CAB39: variants seen among roughly 807,000 people sequenced by gnomAD.
CAB39 encodes the protein calcium binding protein 39.
A neutral mutation model predicts 40.0 loss-of-function variants in CAB39; 8 were observed. The ratio of observed to expected loss-of-function variants is 0.20; its 90% CI spans 0.12 to 0.36. The LOEUF (loss-of-function observed/expected upper bound fraction) is 0.36. Among genes scored for constraint, CAB39 ranks in the 10% least tolerant of loss-of-function variants. The pLI is 1.00. For synonymous variants in CAB39, 156 were observed against 141.6 expected (o/e 1.10, Z -0.72); for missense variants, 270 against 401.1 (o/e 0.67, Z 2.79).
chr2:230,720,045 A>C (rs1330270648), intron 1 of CAB39, among the ~76,000 whole-genome samples: 4 of 152,220 alleles, frequency 2.6e-5, no homozygotes, highest in Non-Finnish European at 5.9e-5. Flanking sequence ...AATAGTTAAG[A>C]ACTAAATGTT....
chr2:230,736,608 A>G (rs1431721150), intron 1 of CAB39, among the ~76,000 whole-genome samples: 1 of 152,180 alleles, frequency 6.6e-6, no homozygotes, highest in African/African-American at 2.4e-5. Context: ...ACTTAGGAGA[A>G]GCATAATTTT....
chr2:230,787,986 A>G (rs1695823325), intron 2 of CAB39, among the ~76,000 whole-genome samples: 1 of 152,208 alleles, frequency 6.6e-6, no homozygotes, highest in African/African-American at 2.4e-5. Context: ...GACACTGGAA[A>G]TATTTAAGGT....
chr2:230,759,332 G>A (rs1216203071), intron 1 of CAB39, among the ~76,000 whole-genome samples: 1 of 152,168 alleles, frequency 6.6e-6, no homozygotes, highest in Non-Finnish European at 1.5e-5. Flanking sequence ...CGTGAACACC[G>A]GGAAAAGAGC....
At chr2:230,777,247 G>C (rs1342719100) in intron 2 of CAB39, among the ~76,000 whole-genome samples, 1 of 151,916 alleles carries the variant, frequency 6.6e-6, no homozygotes, top group Non-Finnish European at 1.5e-5. Context: ...AATGACTACT[G>C]TTAACTTGGT....
chr2:230,768,204 T>C (rs755403156), intron 2 of CAB39, among the ~76,000 whole-genome samples: 18 of 152,238 alleles, frequency 1.2e-4, no homozygotes, highest in East Asian at 5.8e-4. Flanking sequence ...CTAAGACTTA[T>C]AAGAGTTTAT....
intron 2 of CAB39, among the ~76,000 whole-genome samples, chr2:230,771,909 A>T (rs1695489165): frequency 6.6e-6 from 1 of 152,222 alleles, no homozygotes; most frequent in Non-Finnish European, 1.5e-5. Flanking sequence ...TAGGACTCAG[A>T]CCTCATACCA....
intron 1 of CAB39, among the ~76,000 whole-genome samples, chr2:230,717,014 A>G (rs1694362530): frequency 6.6e-6 from 1 of 152,124 alleles, no homozygotes. Context: ...ATGTATATAT[A>G]AAATAAAAAT....
chr2:230,780,465 A>G, intron 2 of CAB39, among the ~76,000 whole-genome samples: 1 of 152,200 alleles, frequency 6.6e-6, no homozygotes, highest in Non-Finnish European at 1.5e-5. Flanking sequence ...GTTACATGTA[A>G]GGAGTCGTAA....
chr2:230,791,053 T>TAAAAATAAGAA lies in CAB39; in HGVS notation c.279+17_279+18insAAAAATAAGAA. 3 of 1,557,442 alleles carry TAAAAATAAGAA rather than the reference T, an allele frequency of 1.9e-6. No individual in the cohort carries two copies. The highest frequency in any genetic ancestry group is 2.6e-6 in the Non-Finnish European group (3 of 1,150,764). On this transcript the variant is annotated intron_variant, in intron 3 of 8. Transcript: ENST00000258418. Reference sequence around the variant, plus strand: ...GACTTTGAGGTAAGAAATCAATTTCTTATTTTTAAAAAACAGTACCCTGTG... The same window carrying TAAAAATAAGAA: ...GACTTTGAGGTAAGAAATCAATTTCTAAAAATAAGAATATTTTTAAAAAACAGTACCCTGTG...
At chr2:230,798,692 ATGTTTGGTTTGTT>A (rs763804231) in intron 4 of CAB39, 24 bp from the exon 5 acceptor site, 13 of 1,547,850 alleles carry the variant, frequency 8.4e-6, no homozygotes, top group Non-Finnish European at 1.1e-5. Context: ...AAAAGCAATC[ATGTTTGGTTTGTT>A]TGTTTGGTTT....
At chr2:230,767,341 A>G (rs541371601) in intron 2 of CAB39, among the ~76,000 whole-genome samples, 1 of 152,310 alleles carries the variant, frequency 6.6e-6, no homozygotes, top group South Asian at 2.1e-4. Context: ...AAAAAAGTCC[A>G]GAATCTAATC....
At chr2:230,795,218 G>A (rs1388421425) in intron 4 of CAB39, among the ~76,000 whole-genome samples, 1 of 151,540 alleles carries the variant, frequency 6.6e-6, no homozygotes, top group East Asian at 1.9e-4. Flanking sequence ...GGAGGTTGCA[G>A]TGAGCCGAGA....
chr2:230,749,658 C>T (rs1357686646), intron 1 of CAB39, among the ~76,000 whole-genome samples: 1 of 152,144 alleles, frequency 6.6e-6, no homozygotes, highest in Non-Finnish European at 1.5e-5. Flanking sequence ...TAGAAATCCT[C>T]AGAAGCATTG....
chr2:230,728,699 C>T (rs1341775525), intron 1 of CAB39, among the ~76,000 whole-genome samples: 1 of 152,114 alleles, frequency 6.6e-6, no homozygotes, highest in African/African-American at 2.4e-5. Flanking sequence ...AGCCCCGAAC[C>T]CCTAGGCTTA....
chr2:230,727,044 C>G (rs183128943), intron 1 of CAB39, among the ~76,000 whole-genome samples: 2 of 151,570 alleles, frequency 1.3e-5, no homozygotes, highest in South Asian at 4.2e-4. Context: ...GGAAGAGGAA[C>G]AAGACATAGG....
chr2:230,715,601 A>AT (rs1694334481), intron 1 of CAB39, among the ~76,000 whole-genome samples: 1 of 152,202 alleles, frequency 6.6e-6, no homozygotes, highest in Admixed American at 6.5e-5. Context: ...TAGGTTAACT[A>AT]TTTTTTGAAC....
At chr2:230,748,167 C>T (rs968199428) in intron 1 of CAB39, among the ~76,000 whole-genome samples, 1 of 150,390 alleles carries the variant, frequency 6.6e-6, no homozygotes, top group Admixed American at 6.6e-5. Context: ...TGACATCTGT[C>T]CTGTGAAGTG....
Position 230,819,444 on chromosome 2 carries a change from T to G in CAB39, c.*740T>G, listed in dbSNP as rs1696467927. 1 of 152,654 alleles carries G rather than the reference T, an allele frequency of 6.6e-6. No homozygotes were observed. Among genetic ancestry groups the G allele is most frequent in the South Asian group, 2.1e-4 (1 of 4,836 alleles). 9.5% of individuals were successfully genotyped at this position (152,654 alleles called of 1,614,324 possible). A position where few individuals can be genotyped will look rare whatever the true frequency, so the allele number is the denominator to read the frequency against. On this transcript the variant is annotated 3_prime_UTR_variant, in exon 9 of 9. Coordinates refer to ENST00000258418, the MANE Select transcript of CAB39 (RefSeq NM_016289.4). ...AGAGCTAGCAATGACACCTTGCATT[T>G]CATTTCAACACTGCTTCAAGGTTTC... is the stretch of plus-strand genomic sequence containing the variant.
chr2:230,757,690 C>T (rs1339623036), intron 1 of CAB39, among the ~76,000 whole-genome samples: 2 of 152,154 alleles, frequency 1.3e-5, no homozygotes, highest in Admixed American at 1.3e-4. Context: ...TACCATTAAA[C>T]ATTCCCACCC....
Sources: allele counts gnomAD v4.1 joint callset (sites outside exome capture counted in the v4.1 genomes callset), GRCh38; gene constraint gnomAD v4.1.1; transcripts MANE v1.5; gene names NCBI Gene and HGNC (gene_info 2026-07-23, HGNC 2026-07-21).